Variants in THSD4 observed in about 807,000 individuals in gnomAD.
THSD4 encodes thrombospondin type 1 domain containing 4, also known as thrombospondin type-1 domain-containing protein 4.
THSD4 carries 69 observed loss-of-function variants against 119.0 expected under a neutral mutation model. The ratio of observed to expected loss-of-function variants is 0.58; its 90% CI spans 0.48 to 0.71. The LOEUF is 0.71. Among genes scored for constraint, THSD4 ranks in the 30% least tolerant of loss-of-function variants. The pLI is 0.00. For missense variants in THSD4, 1,393 were observed against 1,391.1 expected, an observed-to-expected ratio of 1.00 and a Z score of -0.02; for synonymous variants, 524 against 540.4, an observed-to-expected ratio of 0.97 and a Z score of 0.42.
chr15:71,118,543 C>T (rs11634995), intron 1 of THSD4, among the ~76,000 whole-genome samples: 44,999 of 151,970 alleles, frequency 0.3, 7,131 homozygotes, highest in Non-Finnish European at 0.35. Flanking sequence ...CTCTCCAGGT[C>T]ATGGAACACA....
At chr15:71,430,240 A>G (rs781655434) in intron 7 of THSD4, among the ~76,000 whole-genome samples, 5 of 152,204 alleles carry the variant, frequency 3.3e-5, no homozygotes, top group Non-Finnish European at 5.9e-5. Context: ...CTAACAACAG[A>G]TGCACCATTG....
intron 6 of THSD4, among the ~76,000 whole-genome samples, chr15:71,349,022 G>A (rs895404820): frequency 1.3e-5 from 2 of 151,964 alleles, no homozygotes. Flanking sequence ...CTTTTTCTGG[G>A]CCATCCTTCC....
chr15:71,439,560 A>T (rs902678913), intron 7 of THSD4, among the ~76,000 whole-genome samples: 4 of 152,190 alleles, frequency 2.6e-5, no homozygotes, highest in Non-Finnish European at 5.9e-5. Flanking sequence ...AGACACATGC[A>T]CATCTATGTT....
At chr15:71,122,684 AT>A (rs999460730) in intron 1 of THSD4, among the ~76,000 whole-genome samples, 13 of 152,116 alleles carry the variant, frequency 8.5e-5, no homozygotes, top group African/African-American at 3.1e-4. Context: ...CAGGGTTCCC[AT>A]TTTTTAAAGC....
chr15:71,486,790 T>A (rs745496038), intron 7 of THSD4, among the ~76,000 whole-genome samples: 15 of 152,154 alleles, frequency 9.9e-5, no homozygotes, highest in Non-Finnish European at 2.2e-4. Flanking sequence ...TTTGCAATTT[T>A]GGAGTGTGAG....
intron 6 of THSD4, among the ~76,000 whole-genome samples, chr15:71,278,692 A>C (rs547064141): frequency 6.6e-6 from 1 of 152,294 alleles, no homozygotes; most frequent in South Asian, 2.1e-4. Context: ...CGATTGTGCC[A>C]GTCTGAAATA....
chr15:71,509,673 T>A (rs1237741594), intron 7 of THSD4, among the ~76,000 whole-genome samples: 1 of 152,242 alleles, frequency 6.6e-6, no homozygotes, highest in Non-Finnish European at 1.5e-5. Context: ...TTCACCATAC[T>A]GTATCTTGCA....
chr15:71,206,906 G>T (rs538563157), intron 3 of THSD4, among the ~76,000 whole-genome samples: 1 of 152,174 alleles, frequency 6.6e-6, no homozygotes, highest in Non-Finnish European at 1.5e-5. Context: ...ACTTATCCTG[G>T]GTCCAGCTTC....
At chr15:71,238,076 G>C (rs2044121027) in intron 4 of THSD4, among the ~76,000 whole-genome samples, 1 of 151,898 alleles carries the variant, frequency 6.6e-6, no homozygotes, top group African/African-American at 2.4e-5. Context: ...CGGGGTGGGG[G>C]TGTTCCATGT....
chr15:71,550,384 C>T (rs2048908674), intron 7 of THSD4, among the ~76,000 whole-genome samples: 1 of 152,152 alleles, frequency 6.6e-6, no homozygotes. Context: ...CTGCTACATT[C>T]CATATTTGGA....
At chr15:71,621,996 C>T (rs865830746) in intron 7 of THSD4, among the ~76,000 whole-genome samples, 1 of 152,118 alleles carries the variant, frequency 6.6e-6, no homozygotes, top group African/African-American at 2.4e-5. Flanking sequence ...GACTGAGAAT[C>T]GAAGTGATTT....
At chr15:71,401,303 A>T in intron 6 of THSD4, among the ~76,000 whole-genome samples, 1 of 151,894 alleles carries the variant, frequency 6.6e-6, no homozygotes, top group Non-Finnish European at 1.5e-5. Flanking sequence ...GATGGGAGGG[A>T]CCTCCCATTA....
At chr15:71,389,498 A>C (rs1285026887) in intron 6 of THSD4, among the ~76,000 whole-genome samples, 2 of 148,102 alleles carry the variant, frequency 1.4e-5, no homozygotes, top group Non-Finnish European at 3.0e-5. Flanking sequence ...ATGATATTCC[A>C]CTGTATGTTT....
At chr15:71,647,467 G>C (rs149750675) in intron 7 of THSD4, among the ~76,000 whole-genome samples, 1 of 152,132 alleles carries the variant, frequency 6.6e-6, no homozygotes. Flanking sequence ...ACAATGCATG[G>C]AACACAATGT....
chr15:71,338,487 T>C (rs1330229373), intron 6 of THSD4, among the ~76,000 whole-genome samples: 1 of 152,130 alleles, frequency 6.6e-6, no homozygotes, highest in Admixed American at 6.5e-5. Flanking sequence ...TGAACTGTTA[T>C]AAATTAATAC....
chr15:71,207,801 C>T (rs1255821607), intron 3 of THSD4, among the ~76,000 whole-genome samples: 1 of 152,112 alleles, frequency 6.6e-6, no homozygotes, highest in Non-Finnish European at 1.5e-5. Flanking sequence ...ATCCTGAAAC[C>T]ATCTCTACCC....
intron 3 of THSD4, among the ~76,000 whole-genome samples, chr15:71,180,478 G>T (rs967908063): frequency 6.6e-6 from 1 of 152,190 alleles, no homozygotes; most frequent in Non-Finnish European, 1.5e-5. Context: ...ATGGATATGT[G>T]CATTATCTGA....
chr15:71,135,773 G>A (rs1444146999), intron 1 of THSD4, among the ~76,000 whole-genome samples: 1 of 151,852 alleles, frequency 6.6e-6, no homozygotes, highest in Non-Finnish European at 1.5e-5. Flanking sequence ...TCTTGTCCTG[G>A]GCCTGCCCCC....
At chr15:71,512,484 C>T (rs1009141024) in intron 7 of THSD4, among the ~76,000 whole-genome samples, 2 of 152,168 alleles carry the variant, frequency 1.3e-5, no homozygotes, top group African/African-American at 2.4e-5. Context: ...TCAAATATTT[C>T]CCACTGCTTC....
Sources: allele counts gnomAD v4.1 joint callset (sites outside exome capture counted in the v4.1 genomes callset), GRCh38; gene constraint gnomAD v4.1.1; transcripts MANE v1.5; gene names NCBI Gene and HGNC (gene_info 2026-07-23, HGNC 2026-07-21).